Variants in NXPH1 observed in about 807,000 individuals in gnomAD.
NXPH1 encodes the protein neurexophilin 1.
In NXPH1, 5 loss-of-function variants were observed where a neutral mutation model predicts 23.7. The observed-to-expected ratio is 0.21, with a 90% CI of 0.11 to 0.44. The LOEUF (loss-of-function observed/expected upper bound fraction) is 0.44, where lower values mean the gene tolerates loss of function less well. NXPH1 is among the 20% of genes least tolerant of loss of function. The pLI is 0.99. For missense variants in NXPH1, 324 were observed against 321.6 expected, an observed-to-expected ratio of 1.01 and a Z score of -0.06; for synonymous variants, 144 against 122.2, an observed-to-expected ratio of 1.18 and a Z score of -1.18.
intron 2 of NXPH1, among the ~76,000 whole-genome samples, chr7:8,732,840 A>T (rs1295864917): frequency 6.6e-6 from 1 of 152,140 alleles, no homozygotes. Flanking sequence ...CTTTATAAGG[A>T]CTATACCCTT....
chr7:8,719,739 A>G (rs561831562), intron 2 of NXPH1, among the ~76,000 whole-genome samples: 2 of 152,320 alleles, frequency 1.3e-5, no homozygotes, highest in African/African-American at 2.4e-5. Flanking sequence ...AAAATGTGCA[A>G]TGTTTTCCGA....
At chr7:8,480,745 T>A (rs7797787) in intron 2 of NXPH1, among the ~76,000 whole-genome samples, 1 of 152,024 alleles carries the variant, frequency 6.6e-6, no homozygotes, top group African/African-American at 2.4e-5. Context: ...ACCCGGCAAT[T>A]GTAAGAAGAA....
At chr7:8,678,926 CAA>C in intron 2 of NXPH1, among the ~76,000 whole-genome samples, 1 of 97,176 alleles carries the variant, frequency 1.0e-5, no homozygotes, top group Non-Finnish European at 2.1e-5. Context: ...TTGCTTTATC[CAA>C]TTTTTTTTTT....
intron 2 of NXPH1, among the ~76,000 whole-genome samples, chr7:8,451,115 T>C (rs573002845): frequency 1.3e-5 from 2 of 151,796 alleles, no homozygotes; most frequent in Admixed American, 1.3e-4. Flanking sequence ...TCTAGCTTTT[T>C]TTTTTTTTTC....
chr7:8,662,195 C>CAT lies in NXPH1; in HGVS notation c.55-88803_55-88802dup, dbSNP rs536366056. Among the ~76,000 whole-genome samples, 1,204 of 150,932 alleles carry CAT rather than the reference C, an allele frequency of 8.0e-3. 15 individuals carry two copies. The highest frequency in any genetic ancestry group is 0.027 in the African/African-American group (1,124 of 41,138). On this transcript the variant is annotated intron_variant, in intron 2 of 2. Coordinates refer to ENST00000405863, the MANE Select transcript of NXPH1 (RefSeq NM_152745.3). ...TTATATATATATATATATATACACA[C>CAT]ATATATATATACACACACATGTATC...
intron 2 of NXPH1, among the ~76,000 whole-genome samples, chr7:8,723,277 C>T (rs896581914): frequency 1.3e-5 from 2 of 152,164 alleles, no homozygotes; most frequent in African/African-American, 4.8e-5. Flanking sequence ...GAAAGTTTGG[C>T]AGGCTCTGTT....
chr7:8,543,650 A>G (rs138050701), intron 2 of NXPH1, among the ~76,000 whole-genome samples: 331 of 151,744 alleles, frequency 2.2e-3, no homozygotes, highest in African/African-American at 7.4e-3. Flanking sequence ...ATGGATTTTA[A>G]TAATTTGTCT....
chr7:8,660,396 G>A (rs1820653137), intron 2 of NXPH1, among the ~76,000 whole-genome samples: 1 of 152,092 alleles, frequency 6.6e-6, no homozygotes, highest in Admixed American at 6.6e-5. Flanking sequence ...ATAAACACGG[G>A]TGAAAGTTTT....
At chr7:8,638,243 C>T (rs934071360) in intron 2 of NXPH1, among the ~76,000 whole-genome samples, 7 of 152,144 alleles carry the variant, frequency 4.6e-5, no homozygotes, top group East Asian at 1.9e-4. Flanking sequence ...ACAAACACCT[C>T]GGCAACCACA....
chr7:8,655,236 T>G, intron 2 of NXPH1, among the ~76,000 whole-genome samples: 1 of 151,976 alleles, frequency 6.6e-6, no homozygotes, highest in Non-Finnish European at 1.5e-5. Flanking sequence ...AATACAAAAA[T>G]TAGCTGGCCG....
intron 2 of NXPH1, among the ~76,000 whole-genome samples, chr7:8,500,311 T>C (rs1817410688): frequency 8.1e-6 from 1 of 123,862 alleles, no homozygotes; most frequent in Non-Finnish European, 2.0e-5. Flanking sequence ...ATAATTTCTT[T>C]ATGTTTGGTG....
chr7:8,448,007 C>G (rs941304097), intron 2 of NXPH1, among the ~76,000 whole-genome samples: 2 of 152,208 alleles, frequency 1.3e-5, no homozygotes, highest in Admixed American at 6.5e-5. Context: ...GCAAACAGGC[C>G]TGTTTTCAGT....
chr7:8,601,917 G>A (rs912224338), intron 2 of NXPH1, among the ~76,000 whole-genome samples: 3 of 152,220 alleles, frequency 2.0e-5, no homozygotes, highest in Non-Finnish European at 2.9e-5. Context: ...AGTCCAGACC[G>A]AAGACCAATG....
intron 2 of NXPH1, among the ~76,000 whole-genome samples, chr7:8,502,510 A>G (rs1459011936): frequency 6.6e-6 from 1 of 151,952 alleles, no homozygotes; most frequent in Non-Finnish European, 1.5e-5. Flanking sequence ...ACCAGAAGAC[A>G]GAAACCACAC....
chr7:8,558,794 G>T (rs1213549809), intron 2 of NXPH1, among the ~76,000 whole-genome samples: 3 of 151,606 alleles, frequency 2.0e-5, no homozygotes, highest in Non-Finnish European at 3.0e-5. Context: ...TGTTTAAACT[G>T]CCCACCTTTC....
intron 2 of NXPH1, among the ~76,000 whole-genome samples, chr7:8,597,706 G>GT (rs1420514076): frequency 3.7e-5 from 4 of 109,336 alleles, no homozygotes; most frequent in Non-Finnish European, 7.5e-5. Flanking sequence ...GAGGATCCGG[G>GT]TGGGGGGCGG....
intron 2 of NXPH1, among the ~76,000 whole-genome samples, chr7:8,746,633 A>G (rs888717007): frequency 6.6e-5 from 10 of 152,208 alleles, no homozygotes; most frequent in Non-Finnish European, 1.5e-4. Flanking sequence ...TTGGAGTTCA[A>G]TATATATTGA....
intron 2 of NXPH1, among the ~76,000 whole-genome samples, chr7:8,654,072 A>G (rs1431423637): frequency 6.6e-6 from 1 of 152,210 alleles, no homozygotes; most frequent in Non-Finnish European, 1.5e-5. Context: ...AGGGCTGGCT[A>G]GCAGGACAGC....
chr7:8,665,373 A>G (rs1042112249), intron 2 of NXPH1, among the ~76,000 whole-genome samples: 1 of 151,986 alleles, frequency 6.6e-6, no homozygotes, highest in Non-Finnish European at 1.5e-5. Context: ...CTATTCCATT[A>G]GTCTACTTTC....
Sources: allele counts gnomAD v4.1 joint callset (sites outside exome capture counted in the v4.1 genomes callset), GRCh38; gene constraint gnomAD v4.1.1; transcripts MANE v1.5; gene names NCBI Gene and HGNC (gene_info 2026-07-23, HGNC 2026-07-21).